Variants in NAV3 observed in about 807,000 individuals in gnomAD.
NAV3 encodes the protein pore membrane and/or filament interacting like protein 1.
In NAV3, 87 loss-of-function variants were observed where a neutral mutation model predicts 244.7. The ratio of observed to expected loss-of-function variants is 0.36; its 90% CI spans 0.30 to 0.42. NAV3 has a LOEUF of 0.42. Ranked by LOEUF, NAV3 falls within the 20% of genes least tolerant of loss-of-function variation. The pLI, the probability that NAV3 is intolerant of heterozygous loss-of-function variation, is 1.00. For missense variants in NAV3, 2,663 were observed against 2,893.3 expected (o/e 0.92, Z 1.83); for synonymous variants, 1,126 against 1,042.2 (o/e 1.08, Z -1.55).
intron 2 of NAV3, among the ~76,000 whole-genome samples, chr12:77,683,549 T>C (rs1874568850): frequency 6.6e-6 from 1 of 152,172 alleles, no homozygotes; most frequent in Admixed American, 6.5e-5. Context: ...TTTTTATATT[T>C]CCGTGAAAAA....
rs376215992 is a variant in NAV3, at chr12:78,118,234, A to C, written c.2977A>C (p.Met993Leu). Residue 993 changes from methionine to leucine, a missense_variant, in exon 14 of 40, where the codon ATG becomes CTG. Met to Leu is a conservative substitution (Grantham distance 15). Transcript: ENST00000397909. ...ACAGACAGGTTCCTGGAGAAGAGGC[A>C]TGTCTGCCCAAGGAGGGGCGCCATC... ...VSQTGSWRRG[M>L]SAQGGAPSRQ... 6.2e-7 allele frequency: 1 copy of C among 1,613,602 alleles called. No individual in the cohort carries two copies. The highest frequency in any genetic ancestry group is 2.2e-5 in the East Asian group (1 of 44,810).
intron 1 of NAV3, among the ~76,000 whole-genome samples, chr12:77,863,925 C>T (rs1399696614): frequency 6.6e-6 from 1 of 151,826 alleles, no homozygotes; most frequent in Non-Finnish European, 1.5e-5. Context: ...TTGAGGGAGT[C>T]ATACAGGGCA....
intron 12 of NAV3, among the ~76,000 whole-genome samples, chr12:78,102,092 G>A (rs1389184366): frequency 6.6e-6 from 1 of 152,000 alleles, no homozygotes; most frequent in African/African-American, 2.4e-5. Context: ...TTCACGAAAT[G>A]GTCTCATGAA....
At chr12:77,677,513 A>G (rs952579119) in intron 2 of NAV3, among the ~76,000 whole-genome samples, 1 of 152,192 alleles carries the variant, frequency 6.6e-6, no homozygotes, top group Non-Finnish European at 1.5e-5. Flanking sequence ...CAAATTATGT[A>G]TCTTGTCCTC....
Position 78,122,315 on chromosome 12 carries a change from C to A in NAV3, c.4125C>A (p.Ser1375=), listed in dbSNP as rs771584004. 7 of 1,614,160 alleles carry A rather than the reference C, an allele frequency of 4.3e-6. No homozygotes were observed. Among genetic ancestry groups the A allele is most frequent in the Non-Finnish European group, 5.1e-6 (6 of 1,180,022 alleles). Residue 1375 remains serine (S), a synonymous_variant, in exon 16 of 40, where the codon TCC becomes TCA. Coordinates refer to ENST00000397909, the MANE Select transcript of NAV3 (RefSeq NM_001024383.2). ...SMTSLHTSSE[S]IDLPLSHHGS... ...CTAGCCTCCACACGAGCTCTGAGTC[C>A]ATTGACCTCCCCCTCAGCCATCATG...
intron 2 of NAV3, among the ~76,000 whole-genome samples, chr12:77,813,397 A>G (rs1872386271): frequency 6.6e-6 from 1 of 152,196 alleles, no homozygotes. Flanking sequence ...TTCAAGAGTC[A>G]AATTGCTTTT....
chr12:78,207,748 G>C (rs1960472488), intron 39 of NAV3, among the ~76,000 whole-genome samples: 1 of 152,180 alleles, frequency 6.6e-6, no homozygotes, highest in Admixed American at 6.5e-5. Context: ...GCTAGATCAT[G>C]CTAAGCCTTG....
intron 2 of NAV3, among the ~76,000 whole-genome samples, chr12:77,698,121 G>A (rs1295210222): frequency 1.3e-5 from 2 of 152,060 alleles, no homozygotes; most frequent in African/African-American, 4.8e-5. Context: ...GAGAAGTGGA[G>A]GATGACTAAA....
upstream of NAV3, among the ~76,000 whole-genome samples, chr12:77,826,123 C>T (rs796128698): frequency 1.1e-4 from 16 of 152,188 alleles, no homozygotes; most frequent in African/African-American, 3.1e-4. Context: ...CACATGCTTA[C>T]ACAAATATAT....
At chr12:77,824,938 T>G (rs1872912898) in intron 2 of NAV3, among the ~76,000 whole-genome samples, 1 of 151,754 alleles carries the variant, frequency 6.6e-6, no homozygotes, top group Non-Finnish European at 1.5e-5. Flanking sequence ...GAAAATCAAA[T>G]AGCTAAAATT....
chr12:77,799,796 A>T (rs1041783171), intron 2 of NAV3, among the ~76,000 whole-genome samples: 9 of 152,174 alleles, frequency 5.9e-5, no homozygotes, highest in African/African-American at 1.2e-4. Flanking sequence ...CCATATCACA[A>T]ATGTTACATA....
intron 12 of NAV3, among the ~76,000 whole-genome samples, chr12:78,112,680 G>C (rs1287607153): frequency 6.6e-6 from 1 of 152,066 alleles, no homozygotes; most frequent in Non-Finnish European, 1.5e-5. Flanking sequence ...GGGCTTATGG[G>C]AACTACAATT....
chr12:78,136,698 C>A (rs939055696), intron 18 of NAV3, among the ~76,000 whole-genome samples: 3 of 152,156 alleles, frequency 2.0e-5, no homozygotes, highest in African/African-American at 7.2e-5. Context: ...CATGAACTTA[C>A]ATCAATTAAG....
At chr12:77,881,455 CTG>C (rs1020297980) in intron 1 of NAV3, among the ~76,000 whole-genome samples, 1 of 152,100 alleles carries the variant, frequency 6.6e-6, no homozygotes, top group Non-Finnish European at 1.5e-5. Context: ...AGCTTTCCCA[CTG>C]TGTCACCAAA....
At chr12:77,658,861 G>T (rs981344297) in intron 2 of NAV3, among the ~76,000 whole-genome samples, 7 of 152,258 alleles carry the variant, frequency 4.6e-5, no homozygotes, top group African/African-American at 1.7e-4. Context: ...AATGGGGAAA[G>T]GATTCCCTAT....
intron 2 of NAV3, among the ~76,000 whole-genome samples, chr12:77,651,257 C>T (rs1367722052): frequency 1.3e-5 from 2 of 152,124 alleles, no homozygotes; most frequent in African/African-American, 4.8e-5. Flanking sequence ...AAGAGAACAT[C>T]CTACCCTGTT....
At chr12:77,811,865 T>G (rs1016308368) in intron 2 of NAV3, among the ~76,000 whole-genome samples, 5 of 152,192 alleles carry the variant, frequency 3.3e-5, no homozygotes. Flanking sequence ...TCAGTGACAT[T>G]AATACATTCA....
rs940782667 is a variant in NAV3, at chr12:77,883,128, C to A, written c.243+51424C>A. 2.0e-5 allele frequency among the ~76,000 whole-genome samples: 3 copies of A among 152,114 alleles called. No homozygotes were observed. In the East Asian group the frequency reaches 5.8e-4, roughly 29 times the overall value. ...AATAAATTATTCTACCAAAAAGACA[C>A]ATGCACTCATAAGTTCATCCCCATG... On this transcript the variant is annotated intron_variant, in intron 1 of 39. Transcript: ENST00000397909.
intron 9 of NAV3, among the ~76,000 whole-genome samples, chr12:78,038,293 A>G (rs1422172499): frequency 1.3e-5 from 2 of 152,192 alleles, no homozygotes; most frequent in Admixed American, 6.6e-5. Context: ...GCCATATCAT[A>G]TTTTATGTCA....
Sources: allele counts gnomAD v4.1 joint callset (sites outside exome capture counted in the v4.1 genomes callset), GRCh38; gene constraint gnomAD v4.1.1; transcripts MANE v1.5; gene names NCBI Gene and HGNC (gene_info 2026-07-23, HGNC 2026-07-21).